MAJIN: variants seen among roughly 807,000 people sequenced by gnomAD.
MAJIN encodes the protein membrane anchored junction protein.
MAJIN carries 27 observed loss-of-function variants against 30.2 expected under a neutral mutation model. The ratio of observed to expected loss-of-function variants is 0.89; its 90% CI spans 0.66 to 1.23. MAJIN has a LOEUF of 1.23. MAJIN is among the 50% of genes most tolerant of loss of function. The pLI, the probability that MAJIN is intolerant of heterozygous loss-of-function variation, is 0.00. For missense variants in MAJIN, 253 were observed against 260.3 expected (o/e 0.97, Z 0.19); for synonymous variants, 78 against 91.6 (o/e 0.85, Z 0.85).
At chr11:64,963,408 G>A (rs1244169485) in intron 1 of MAJIN, among the ~76,000 whole-genome samples, 1 of 152,196 alleles carries the variant, frequency 6.6e-6, no homozygotes, top group East Asian at 1.9e-4. Flanking sequence ...AATGCTATAT[G>A]AGGATAATAA....
chr11:64,950,544 G>A, intron 4 of MAJIN, 114 bp from the exon 5 acceptor site: 2 of 862,802 alleles, frequency 2.3e-6, no homozygotes, highest in Non-Finnish European at 3.6e-6. Context: ...ACTATTTGCT[G>A]TTCCTTTAAC....
chr11:64,940,850 T>TTC lies in MAJIN; in HGVS notation c.474-205_474-204insGA, dbSNP rs1188131187. Among the ~76,000 whole-genome samples the TTC allele has an allele frequency of 7.2e-5, 10 of 139,636 alleles. No homozygotes were observed. In the East Asian group the frequency reaches 1.9e-3, roughly 26 times the overall value. The allele number at this position is 139,636 out of a possible 152,430, so 91.6% of individuals were successfully genotyped here. A position where few individuals can be genotyped will look rare whatever the true frequency, so the allele number is the denominator to read the frequency against. On this transcript the variant is annotated intron_variant, in intron 8 of 10. Coordinates refer to ENST00000301896, the MANE Select transcript of MAJIN (RefSeq NM_001037225.3). ...TTTTTTCTTTCTTTTTTTTTTTTTT[T>TTC]TTTTTTGAGACTGAATCTCGCTCTG...
In MAJIN at chr11:64,956,060, G is replaced by C. The variant is rs144994394; in HGVS notation, c.102-1258C>G. Among the ~76,000 whole-genome samples, 168 of 152,324 alleles carry C rather than the reference G, an allele frequency of 1.1e-3. 1 individual carries two copies. The highest frequency in any genetic ancestry group is 3.8e-3 in the African/African-American group (160 of 41,572). On this transcript the variant is annotated intron_variant, in intron 3 of 10. Coordinates refer to ENST00000301896, the MANE Select transcript of MAJIN (RefSeq NM_001037225.3). ...TTACGCCTGTAATCCCAGCACTTTG[G>C]GAGGCCGAGGTGGGTGGATTACCTG...
chr11:64,947,317 T>C (rs1945465552), intron 8 of MAJIN, 57 bp downstream of exon 8: 5 of 1,463,312 alleles, frequency 3.4e-6, no homozygotes, highest in Admixed American at 2.0e-5. Context: ...CCAACAGTAA[T>C]AGCTGGCAAA....
chr11:64,955,815 T>C (rs569761819), intron 3 of MAJIN, among the ~76,000 whole-genome samples: 1 of 152,366 alleles, frequency 6.6e-6, no homozygotes, highest in Admixed American at 6.5e-5. Context: ...AGGATGTGCA[T>C]AATTCAGTGA....
At chr11:64,959,080 A>T (rs1394969875) in intron 3 of MAJIN, among the ~76,000 whole-genome samples, 2 of 145,520 alleles carry the variant, frequency 1.4e-5, no homozygotes, top group Non-Finnish European at 3.0e-5. Context: ...ACATAGCGAG[A>T]TCTGCTTCTC....
intron 2 of MAJIN, among the ~76,000 whole-genome samples, chr11:64,959,818 C>A (rs1012617520): frequency 6.6e-6 from 1 of 152,196 alleles, no homozygotes; most frequent in African/African-American, 2.4e-5. Context: ...TCAGTGGATA[C>A]AGAGAGGGCT....
intron 4 of MAJIN, chr11:64,953,942 T>C (rs1269297197): frequency 6.5e-6 from 1 of 152,890 alleles, no homozygotes; most frequent in African/African-American, 2.4e-5. Flanking sequence ...CTTAAGGGTA[T>C]GACTCAGTTT....
At chr11:64,965,744 CAGG>C (rs1448293004) in intron 1 of MAJIN, among the ~76,000 whole-genome samples, 1 of 152,000 alleles carries the variant, frequency 6.6e-6, no homozygotes, top group Non-Finnish European at 1.5e-5. Flanking sequence ...ATCACGAGGT[CAGG>C]AGATCGATAC....
chr11:64,962,286 T>C (rs1391558532), intron 1 of MAJIN, among the ~76,000 whole-genome samples: 4 of 152,242 alleles, frequency 2.6e-5, no homozygotes, highest in Non-Finnish European at 5.9e-5. Flanking sequence ...TGTTAATTGC[T>C]GGCTGCCCGA....
intron 7 of MAJIN, 72 bp downstream of exon 7, chr11:64,947,716 A>C: frequency 2.0e-6 from 3 of 1,507,512 alleles, no homozygotes; most frequent in Non-Finnish European, 2.8e-6. Context: ...GGGAAGAGGC[A>C]AGAGCAGGAC....
chr11:64,940,447 A>G (rs1051894222), intron 9 of MAJIN, 127 bp downstream of exon 9: 2 of 901,314 alleles, frequency 2.2e-6, no homozygotes, highest in Non-Finnish European at 3.6e-6. Flanking sequence ...AAGCACCTCC[A>G]CGGGAGCAAG....
intron 3 of MAJIN, among the ~76,000 whole-genome samples, chr11:64,957,869 T>C (rs1488790085): frequency 6.6e-6 from 1 of 152,122 alleles, no homozygotes; most frequent in African/African-American, 2.4e-5. Context: ...GCTCACTAAA[T>C]ATAACTTTAA....
Position 64,939,682 on chromosome 11 carries a change from G to C in MAJIN, c.632C>G (p.Pro211Arg). Residue 211 changes from proline to arginine, a missense_variant, in exon 10 of 11, where the codon CCG becomes CGG. Pro to Arg is a moderately radical substitution (Grantham distance 103). Coordinates refer to ENST00000301896, the MANE Select transcript of MAJIN (RefSeq NM_001037225.3). Reference protein sequence around the residue: ...THLHLRSEQPPASLGF With the variant: ...THLHLRSEQPRASLGF ...CTTACCTTAGAAACCCAAAGAAGCC[G>C]GTGGCTGCTCGCTCCTTAGGTGGAG... 1 of 1,613,918 alleles carries C rather than the reference G, an allele frequency of 6.2e-7. No homozygotes were observed. The highest frequency in any genetic ancestry group is 8.5e-7 in the Non-Finnish European group (1 of 1,179,894).
At chr11:64,950,017 T>A in intron 5 of MAJIN, 149 bp from the exon 6 acceptor site, 1 of 1,151,006 alleles carries the variant, frequency 8.7e-7, no homozygotes, top group Non-Finnish European at 1.2e-6. Context: ...ATGTGAGCTG[T>A]AGCTCATTTC....
At chr11:64,969,956 G>A (rs900969930) in intron 1 of MAJIN, among the ~76,000 whole-genome samples, 1 of 152,176 alleles carries the variant, frequency 6.6e-6, no homozygotes, top group African/African-American at 2.4e-5. Flanking sequence ...TCTGTATCTG[G>A]AGATGCTGAA....
chr11:64,968,532 G>T (rs1383376925), intron 1 of MAJIN, among the ~76,000 whole-genome samples: 1 of 151,580 alleles, frequency 6.6e-6, no homozygotes, highest in East Asian at 2.0e-4. Flanking sequence ...TAAATGCTGG[G>T]ATTACAAGCA....
At chr11:64,964,596 A>AT (rs1945777713) in intron 1 of MAJIN, among the ~76,000 whole-genome samples, 2 of 150,852 alleles carry the variant, frequency 1.3e-5, no homozygotes, top group African/African-American at 4.9e-5. Context: ...AGCAAAATTT[A>AT]ATTTTTTTTT....
rs773899246 is a variant in MAJIN at position 64,959,424 on chromosome 11, TAAATA to T, written c.-17-7_-17-3del. On this transcript the variant is annotated splice_polypyrimidine_tract_variant and splice_region_variant and intron_variant, in intron 2 of 10. Coordinates refer to ENST00000301896, the MANE Select transcript of MAJIN (RefSeq NM_001037225.3). ...AACTCATTGCTCCCAAACGATAGCC[TAAATA>T]AAATAGAAAGAGAATTACTAAAAAG... is the stretch of plus-strand genomic sequence containing the variant. 1 of 1,591,724 alleles carries T rather than the reference TAAATA, an allele frequency of 6.3e-7. No homozygotes were observed. The highest frequency in any genetic ancestry group is 1.1e-5 in the South Asian group (1 of 90,130).
Sources: gnomAD v4.1 joint callset for allele counts (sites outside exome capture counted in the v4.1 genomes callset) on GRCh38, gnomAD v4.1.1 for gene constraint, MANE v1.5 for transcripts, NCBI Gene and HGNC (gene_info 2026-07-23, HGNC 2026-07-21) for gene names.